The following PCDHA10 variants were observed in gnomAD, a reference collection of about 807,000 sequenced individuals.
PCDHA10 encodes protocadherin alpha 10, also known as protocadherin alpha-10.
Under a neutral mutation model 61.2 loss-of-function variants are expected in PCDHA10, and 45 were observed. The observed-to-expected ratio is 0.74, with a 90% CI of 0.58 to 0.94. The LOEUF (loss-of-function observed/expected upper bound fraction) is 0.94. Among genes scored for constraint, PCDHA10 ranks in the 40% least tolerant of loss-of-function variants. The probability of loss-of-function intolerance (pLI) is 0.00; values close to 1 mark genes in which losing one functional copy is unlikely to be tolerated. For missense variants in PCDHA10, 1,278 were observed against 1,236.2 expected, an observed-to-expected ratio of 1.03 and a Z score of -0.51; for synonymous variants, 602 against 548.8, an observed-to-expected ratio of 1.10 and a Z score of -1.35.
At chr5:140,870,161 C>T (rs745813666) in intron 1 of PCDHA10, 10 of 1,614,124 alleles carry the variant, frequency 6.2e-6, no homozygotes, top group Non-Finnish European at 8.5e-6. Context: ...GCCGTGACTT[C>T]CTTGTCCCTC....
rs1554263423 is a variant in PCDHA10 at position 141,011,323 on chromosome 5, C to T, written c.*1386C>T. 1 of 153,686 alleles carries T rather than the reference C, an allele frequency of 6.5e-6. No individual in the cohort carries two copies. The highest frequency in any genetic ancestry group is 1.5e-5 in the Non-Finnish European group (1 of 68,036). The allele number at this position is 153,686 out of a possible 1,614,324, so 9.5% of individuals were successfully genotyped here. A position where few individuals can be genotyped will look rare whatever the true frequency, so the allele number is the denominator to read the frequency against. ...TCTGAATTGCTAATCTTACTAACACCTATGATGTTACCTGAAATCAATCTC... is the reference window on the plus strand; with the variant it reads ...TCTGAATTGCTAATCTTACTAACACTTATGATGTTACCTGAAATCAATCTC... On this transcript the variant is annotated 3_prime_UTR_variant, in exon 4 of 4. Transcript: ENST00000307360.
chr5:140,927,756 T>G (rs782307164), intron 1 of PCDHA10: 2 of 1,614,012 alleles, frequency 1.2e-6, no homozygotes, highest in South Asian at 1.1e-5. Flanking sequence ...ACGTGCACCC[T>G]AAAAGTGGGG....
chr5:140,884,346 T>G (rs1487079029), intron 1 of PCDHA10: 1 of 1,613,896 alleles, frequency 6.2e-7, no homozygotes, highest in Non-Finnish European at 8.5e-7. Flanking sequence ...GAAGCGGCGC[T>G]GGTGGATGTC....
In PCDHA10 at chr5:140,900,436, G is replaced by C. The variant is rs553121120; in HGVS notation, c.2388+42000G>C. 8.5e-5 allele frequency among the ~76,000 whole-genome samples: 13 copies of C among 152,126 alleles called. No individual in the cohort carries two copies. The East Asian group carries it at 2.5e-3, about 30-fold the overall frequency. ...GGGATTATAGGCACGTGCCACCACG[G>C]CCGGCTAATTTTTTATTTTTAGTAG... On this transcript the variant is annotated intron_variant, in intron 1 of 3. Transcript: ENST00000307360.
intron 3 of PCDHA10, among the ~76,000 whole-genome samples, chr5:140,993,468 A>T (rs1327306188): frequency 7.2e-5 from 5 of 69,412 alleles, no homozygotes; most frequent in Non-Finnish European, 1.2e-4. Flanking sequence ...TTTCTCACAC[A>T]CACACACACA....
At position 140,857,968 on chromosome 5, in the gene PCDHA10, C is replaced by T. The variant is rs782482021; in HGVS notation, c.1920C>T (p.Asp640=). The T allele has an allele frequency of 5.8e-5, 93 of 1,597,052 alleles. 13 individuals are homozygous for T. The Middle Eastern group carries it at 6.7e-4, about 11-fold the overall frequency. ...CGACGCGCGCTCTGGATGAGACTGA[C>T]TCGCCACGCCAGCGCCTACTGGTGC... The part of the protein sequence containing the change: ...ISTTRALDET[D]SPRQRLLVLV... The change falls in exon 1 of 4, where the codon GAC becomes GAT. Residue 640 remains aspartate, a synonymous_variant. Coordinates refer to ENST00000307360, the MANE Select transcript of PCDHA10 (RefSeq NM_018901.4).
At chr5:140,883,208 A>C in intron 1 of PCDHA10, 3 of 1,614,034 alleles carry the variant, frequency 1.9e-6, no homozygotes, top group Non-Finnish European at 1.7e-6. Context: ...CGAAGAAAAG[A>C]AATTATATGA....
chr5:140,959,300 C>T (rs887685405), intron 1 of PCDHA10, among the ~76,000 whole-genome samples: 11 of 151,854 alleles, frequency 7.2e-5, no homozygotes, highest in African/African-American at 2.7e-4. Flanking sequence ...TCACTGAGCC[C>T]GGTGGTTGAA....
intron 1 of PCDHA10, chr5:140,875,236 C>T: frequency 1.1e-6 from 1 of 889,228 alleles, no homozygotes. Context: ...CTTTCTTGTA[C>T]TTACATAATC....
At chr5:140,982,230 C>G (rs943404054) in intron 2 of PCDHA10, 9 of 619,854 alleles carry the variant, frequency 1.5e-5, no homozygotes, top group Admixed American at 3.8e-5. Flanking sequence ...TAATAAAAAA[C>G]AGAATTGCCA....
chr5:140,863,301 C>T lies in PCDHA10; in HGVS notation c.2388+4865C>T, dbSNP rs782465834. ...ATGTCAACGTGTACCTGATCATCGC[C>T]ATCTGCGTGGTGTCCAGCCTGTTAG... On this transcript the variant is annotated intron_variant, in intron 1 of 3. Coordinates refer to ENST00000307360, the MANE Select transcript of PCDHA10 (RefSeq NM_018901.4). The T allele has an allele frequency of 2.7e-6, 4 of 1,463,618 alleles. No homozygotes were observed. In the South Asian group the frequency reaches 4.5e-5, roughly 16 times the overall value. 90.7% of individuals were successfully genotyped at this position (1,463,618 alleles called of 1,614,324 possible).
intron 1 of PCDHA10, among the ~76,000 whole-genome samples, chr5:140,947,165 T>C (rs1034105702): frequency 6.6e-6 from 1 of 151,228 alleles, no homozygotes. Context: ...GGGTAGAAAA[T>C]GTGGTATATA....
intron 1 of PCDHA10, among the ~76,000 whole-genome samples, chr5:140,879,010 G>C (rs2057809352): frequency 6.6e-6 from 1 of 152,200 alleles, no homozygotes; most frequent in Non-Finnish European, 1.5e-5. Context: ...CTAGAAATCA[G>C]ATAATGTTTT....
chr5:141,008,323 A>C lies in PCDHA10; in HGVS notation c.2537-1304A>C, dbSNP rs2098370005. ...CCCTAAACTGTAATTGAACATAAACAGTTTATTTGATGGAGCTTTTCACGT... is the reference window on the plus strand; with the variant it reads ...CCCTAAACTGTAATTGAACATAAACCGTTTATTTGATGGAGCTTTTCACGT... On this transcript the variant is annotated intron_variant, in intron 3 of 3. Transcript: ENST00000307360. 2.0e-5 allele frequency among the ~76,000 whole-genome samples: 3 copies of C among 152,242 alleles called. No individual in the cohort carries two copies. The South Asian group carries it at 6.2e-4, about 32-fold the overall frequency.
intron 1 of PCDHA10, among the ~76,000 whole-genome samples, chr5:140,889,411 T>A (rs1262087176): frequency 6.6e-6 from 1 of 152,020 alleles, no homozygotes; most frequent in Non-Finnish European, 1.5e-5. Flanking sequence ...CTCGAGTCAG[T>A]TACGTAGATA....
chr5:140,874,010 T>C (rs1002287481), intron 1 of PCDHA10, among the ~76,000 whole-genome samples: 7 of 152,208 alleles, frequency 4.6e-5, no homozygotes, highest in Non-Finnish European at 8.8e-5. Context: ...TTGACCACTT[T>C]TGAAAATGAA....
chr5:140,863,737 A>G (rs758176321), intron 1 of PCDHA10: 1 of 251,160 alleles, frequency 4.0e-6, no homozygotes, highest in East Asian at 1.0e-4. Flanking sequence ...GCTCATGCCT[A>G]TTTGTAATCC....
At chr5:140,961,997 C>T (rs1160116142) in intron 1 of PCDHA10, among the ~76,000 whole-genome samples, 1 of 152,080 alleles carries the variant, frequency 6.6e-6, no homozygotes, top group South Asian at 2.1e-4. Context: ...CATTGTCCTG[C>T]CTCAGCTTCC....
chr5:140,868,001 TG>T (rs1353110164), intron 1 of PCDHA10: 4 of 152,120 alleles, frequency 2.6e-5, no homozygotes, highest in Non-Finnish European at 5.9e-5. Context: ...TGAATATAAC[TG>T]AATTAGATTA....
Sources: gnomAD v4.1 joint callset for allele counts (sites outside exome capture counted in the v4.1 genomes callset) on GRCh38, gnomAD v4.1.1 for gene constraint, MANE v1.5 for transcripts, NCBI Gene and HGNC (gene_info 2026-07-23, HGNC 2026-07-21) for gene names.